Variants in POLG2 observed in about 807,000 individuals in gnomAD.
POLG2 encodes the protein DNA polymerase gamma 2, accessory subunit.
In POLG2, 50 loss-of-function variants were observed where a neutral mutation model predicts 56.5. The ratio of observed to expected loss-of-function variants is 0.88; its 90% CI spans 0.71 to 1.12. POLG2 has a LOEUF of 1.12. Among genes scored for constraint, POLG2 ranks in the 50% most tolerant of loss-of-function variants. POLG2 has a pLI of 0.00. For missense variants in POLG2, 584 were observed against 583.3 expected (o/e 1.00, Z -0.01); for synonymous variants, 226 against 222.6 (o/e 1.02, Z -0.14).
chr17:64,484,213 G>C (rs1196803804), intron 5 of POLG2: 2 of 152,276 alleles, frequency 1.3e-5, no homozygotes, highest in African/African-American at 4.8e-5. Context: ...AGGCAGGCTG[G>C]GGGAGGTTTT....
At chr17:64,495,436 TG>T (rs2038135169) in intron 1 of POLG2, among the ~76,000 whole-genome samples, 1 of 151,560 alleles carries the variant, frequency 6.6e-6, no homozygotes, top group African/African-American at 2.4e-5. Flanking sequence ...AAAAATTAGC[TG>T]GGTGTGGTGG....
At chr17:64,478,802 C>G (rs566659835) in intron 7 of POLG2, among the ~76,000 whole-genome samples, 1 of 152,056 alleles carries the variant, frequency 6.6e-6, no homozygotes, top group African/African-American at 2.4e-5. Flanking sequence ...GAGGCTGAGG[C>G]AGGAGAATCG....
At chr17:64,479,163 T>G (rs1163334479) in intron 7 of POLG2, among the ~76,000 whole-genome samples, 2 of 151,804 alleles carry the variant, frequency 1.3e-5, no homozygotes, top group African/African-American at 4.8e-5. Context: ...CTACTTTTCT[T>G]TGGACATCAT....
chr17:64,493,630 G>A (rs937595410), intron 1 of POLG2, among the ~76,000 whole-genome samples: 1 of 151,768 alleles, frequency 6.6e-6, no homozygotes, highest in Non-Finnish European at 1.5e-5. Context: ...GACTACAGGC[G>A]CCCGCCACCA....
intron 4 of POLG2, among the ~76,000 whole-genome samples, chr17:64,486,513 C>T (rs550506631): frequency 6.6e-6 from 1 of 151,986 alleles, no homozygotes; most frequent in African/African-American, 2.4e-5. Context: ...AGGCACACAC[C>T]ACCATGTCTG....
rs374297429 is a variant in POLG2, at chr17:64,490,794, A to G, written c.969+2T>C. ...TACATAGGAGCTCCAGGTAAAACAT[A>G]CATGTAATTTAGACACATTGCCAGG... is the stretch of plus-strand genomic sequence containing the variant. On this transcript the variant is annotated splice_donor_variant, in intron 4 of 7. Transcript: ENST00000539111. LOFTEE classifies it high-confidence loss of function. 4.4e-6 allele frequency: 7 copies of G among 1,608,844 alleles called. No homozygotes were observed. The highest frequency in any genetic ancestry group is 6.0e-6 in the Non-Finnish European group (7 of 1,175,170).
At position 64,496,700 on chromosome 17, in the gene POLG2, G is replaced by C. The variant is rs1555669598; in HGVS notation, c.269C>G (p.Ser90Cys). 1 of 1,614,036 alleles carries C rather than the reference G, an allele frequency of 6.2e-7. No individual in the cohort carries two copies. Among genetic ancestry groups the C allele is most frequent in the Non-Finnish European group, 8.5e-7 (1 of 1,180,006 alleles). The part of the protein sequence containing the change: ...SGSKQQLSRD[S>C]LLSGCHPGFG... ...GCCGGGGTGGCACCCACTCAGAAGA[G>C]AATCCCGGCTAAGCTGCTGCTTGCT... The change falls in exon 1 of 8, where the codon TCT becomes TGT. Residue 90 changes from serine to cysteine, a missense_variant. Physicochemically the swap from Ser to Cys is moderately radical, Grantham distance 112 (BLOSUM62 -1). Transcript: ENST00000539111.
At position 64,496,788 on chromosome 17, in the gene POLG2, C is replaced by T. The variant is rs144148008; in HGVS notation, c.181G>A (p.Gly61Arg). 8.6e-5 allele frequency: 139 copies of T among 1,613,924 alleles called. No individual in the cohort carries two copies. The highest frequency in any genetic ancestry group is 4.7e-4 in the Admixed American group (28 of 60,024). ...EGNGEHPEAPGSGEGSEALLE... is the reference protein window; with the variant it reads ...EGNGEHPEAPRSGEGSEALLE... ...AGCGCCTCGCTTCCCTCTCCAGACC[C>T]GGGGGCTTCTGGGTGCTCGCCGTTC... The change falls in exon 1 of 8, where the codon GGG (glycine) becomes AGG (arginine). Residue 61 changes from glycine (G) to arginine (R), a missense_variant. Physicochemically the swap from Gly to Arg is moderately radical, Grantham distance 125. Coordinates refer to ENST00000539111, the MANE Select transcript of POLG2 (RefSeq NM_007215.4).
rs1028940888 is a variant in POLG2 at position 64,494,003 on chromosome 17, A to G, written c.563-982T>C. ...AAGTTAACCATAATACCACAATATA[A>G]TCTAACATATGGTGATATTTTAGTT... On this transcript the variant is annotated intron_variant, in intron 1 of 7. Transcript: ENST00000539111. Among the ~76,000 whole-genome samples the G allele has an allele frequency of 1.1e-4, 16 of 152,216 alleles. 1 individual carries two copies. Among genetic ancestry groups the G allele is most frequent in the African/African-American group, 3.9e-4 (16 of 41,438 alleles).
chr17:64,496,614 C>T lies in POLG2; in HGVS notation c.355G>A (p.Val119Met). 5.6e-6 allele frequency: 9 copies of T among 1,613,966 alleles called. No homozygotes were observed. The highest frequency in any genetic ancestry group is 7.6e-6 in the Non-Finnish European group (9 of 1,179,930). Reference sequence around the variant, plus strand: ...GGGAATACCTGCTCCCTGAACACCACCACCGAGGTCCACCATTCTGCGGCC... The same window carrying T: ...GGGAATACCTGCTCCCTGAACACCATCACCGAGGTCCACCATTCTGCGGCC... ...NLAAEWWTSV[V>M]VFREQVFPVD... The change falls in exon 1 of 8, where the codon GTG becomes ATG. Residue 119 changes from valine (V) to methionine (M), a missense_variant. Transcript: ENST00000539111.
At chr17:64,485,976 G>A (rs2037945525) in intron 4 of POLG2, 108 bp from the exon 5 acceptor site, 1 of 1,041,436 alleles carries the variant, frequency 9.6e-7, no homozygotes, top group Non-Finnish European at 1.5e-6. Context: ...GAGTGCAGTG[G>A]CATGATCTCA....
intron 6 of POLG2, chr17:64,481,359 A>T (rs2037852484): frequency 1.0e-6 from 1 of 985,182 alleles, no homozygotes; most frequent in Non-Finnish European, 1.2e-6. Flanking sequence ...GGGGACTCTC[A>T]AAGTCTTTAA....
intron 5 of POLG2, among the ~76,000 whole-genome samples, chr17:64,484,547 T>C (rs999427332): frequency 5.6e-4 from 85 of 152,254 alleles, no homozygotes; most frequent in African/African-American, 1.9e-3. Flanking sequence ...ACAGGGCCAC[T>C]CTATCAGGGG....
At chr17:64,482,327 C>CTTTTT in intron 6 of POLG2, among the ~76,000 whole-genome samples, 1 of 128,566 alleles carries the variant, frequency 7.8e-6, no homozygotes, top group Non-Finnish European at 1.7e-5. Context: ...AAATTAAAAA[C>CTTTTT]TTTTTTTTTT....
intron 4 of POLG2, among the ~76,000 whole-genome samples, chr17:64,488,215 AAAAG>A (rs1228149884): frequency 6.6e-6 from 1 of 152,114 alleles, no homozygotes; most frequent in African/African-American, 2.4e-5. Flanking sequence ...TAATTTTAAA[AAAAG>A]AAAGAAATGG....
Position 64,496,558 on chromosome 17 carries a change from A to G in POLG2, c.411T>C (p.Pro137=). The change falls in exon 1 of 8, where the codon CCT becomes CCC. Residue 137 remains proline, a synonymous_variant. Transcript: ENST00000539111. ...PVDALHHKPG[P]LLPGDSAFRL... is the part of the protein sequence containing the mutation. Reference sequence around the variant, plus strand: ...TGAAGGCACTGTCCCCGGGTAGCAAAGGGCCTGGTTTGTGGTGGAGGGCGT... The same window carrying G: ...TGAAGGCACTGTCCCCGGGTAGCAAGGGGCCTGGTTTGTGGTGGAGGGCGT... 1 of 1,613,722 alleles carries G rather than the reference A, an allele frequency of 6.2e-7. No homozygotes were observed. Among genetic ancestry groups the G allele is most frequent in the Non-Finnish European group, 8.5e-7 (1 of 1,179,768 alleles).
At chr17:64,489,575 A>G (rs978755733) in intron 4 of POLG2, among the ~76,000 whole-genome samples, 5 of 152,006 alleles carry the variant, frequency 3.3e-5, no homozygotes, top group Non-Finnish European at 7.4e-5. Flanking sequence ...AGCCCGGGCA[A>G]CAAAGCTAGA....
chr17:64,495,273 G>A (rs192049429), intron 1 of POLG2, among the ~76,000 whole-genome samples: 19 of 150,998 alleles, frequency 1.3e-4, no homozygotes, highest in Admixed American at 6.6e-4. Context: ...AAGAAAGTTA[G>A]GAAATATATT....
In POLG2 at chr17:64,496,627, C is replaced by T. The variant is rs1555669576; in HGVS notation, c.342G>A (p.Trp114Ter). 2 of 1,613,926 alleles carry T rather than the reference C, an allele frequency of 1.2e-6. No homozygotes were observed. Among genetic ancestry groups the T allele is most frequent in the East Asian group, 2.2e-5 (1 of 44,876 alleles). Residue 114 changes from tryptophan (W) to a stop codon, truncating the protein, a stop_gained, in exon 1 of 8, where the codon TGG becomes TGA. Coordinates refer to ENST00000539111, the MANE Select transcript of POLG2 (RefSeq NM_007215.4). LOFTEE classifies it high-confidence loss of function. ...VELRKNLAAE[W>*]WTSVVVFREQ... ...CCCTGAACACCACCACCGAGGTCCA[C>T]CATTCTGCGGCCAGGTTCTTCCGCA...
Sources: gnomAD v4.1 joint callset for allele counts (sites outside exome capture counted in the v4.1 genomes callset) on GRCh38, gnomAD v4.1.1 for gene constraint, MANE v1.5 for transcripts, NCBI Gene and HGNC (gene_info 2026-07-23, HGNC 2026-07-21) for gene names.